KHDRBS2: variants seen among roughly 807,000 people sequenced by gnomAD.
KHDRBS2 encodes KH domain-containing, RNA-binding, signal transduction-associated protein 2.
A neutral mutation model predicts 44.3 loss-of-function variants in KHDRBS2; 26 were observed. The observed-to-expected ratio is 0.59, with a 90% confidence interval of 0.43 to 0.81. The LOEUF (loss-of-function observed/expected upper bound fraction) is 0.81, where lower values mean the gene tolerates loss of function less well. KHDRBS2 is among the 40% of genes least tolerant of loss of function. The pLI, the probability that KHDRBS2 is intolerant of heterozygous loss-of-function variation, is 0.00. For missense variants in KHDRBS2, 476 were observed against 433.1 expected, an observed-to-expected ratio of 1.10 and a Z score of -0.88; for synonymous variants, 194 against 151.1, an observed-to-expected ratio of 1.28 and a Z score of -2.08.
intron 4 of KHDRBS2, among the ~76,000 whole-genome samples, chr6:61,947,627 C>G (rs1813635656): frequency 1.3e-5 from 2 of 151,222 alleles, no homozygotes; most frequent in Admixed American, 1.3e-4. Context: ...TAGTGGATCA[C>G]AAAATAAACT....
At chr6:62,117,249 T>G (rs1584800907) in intron 2 of KHDRBS2, among the ~76,000 whole-genome samples, 1 of 152,158 alleles carries the variant, frequency 6.6e-6, no homozygotes, top group African/African-American at 2.4e-5. Flanking sequence ...TTTTTCTACA[T>G]CCTTGCCAGC....
chr6:62,285,163 T>C (rs769526799), intron 1 of KHDRBS2, among the ~76,000 whole-genome samples: 6 of 152,096 alleles, frequency 3.9e-5, no homozygotes, highest in Admixed American at 6.5e-5. Context: ...ACAAGACATA[T>C]GTGTTCCTCT....
At chr6:61,559,138 T>G in the KHDRBS2 span, among the ~76,000 whole-genome samples, 2 of 152,314 alleles carry the variant, frequency 1.3e-5, no homozygotes, top group East Asian at 1.9e-4. Flanking sequence ...TATATCCATT[T>G]GCTGAATTGA....
At chr6:61,602,761 G>A in the KHDRBS2 span, among the ~76,000 whole-genome samples, 1 of 152,074 alleles carries the variant, frequency 6.6e-6, no homozygotes, top group Non-Finnish European at 1.5e-5. Flanking sequence ...TTGATGGCCA[G>A]GCTTCTAAAC....
At chr6:62,068,197 T>C (rs1006362214) in intron 2 of KHDRBS2, among the ~76,000 whole-genome samples, 1 of 151,526 alleles carries the variant, frequency 6.6e-6, no homozygotes, top group African/African-American at 2.4e-5. Flanking sequence ...GGTCAACACT[T>C]GTAATTGTTT....
chr6:61,948,808 A>G (rs1764150606), intron 4 of KHDRBS2, among the ~76,000 whole-genome samples: 1 of 151,666 alleles, frequency 6.6e-6, no homozygotes, highest in Non-Finnish European at 1.5e-5. Context: ...CTCTTCACCT[A>G]GCTTATACCT....
chr6:61,753,882 C>A (rs1371296826), intron 6 of KHDRBS2, among the ~76,000 whole-genome samples: 1 of 152,000 alleles, frequency 6.6e-6, no homozygotes, highest in Non-Finnish European at 1.5e-5. Flanking sequence ...GCTTTAACTA[C>A]CATCAGAAGT....
At chr6:62,099,250 T>A (rs1169276073) in intron 2 of KHDRBS2, among the ~76,000 whole-genome samples, 2 of 152,218 alleles carry the variant, frequency 1.3e-5, no homozygotes, top group Admixed American at 6.5e-5. Context: ...TTTATTTCAC[T>A]CTTCAGAACA....
At chr6:61,874,113 A>C (rs1413560985) in intron 6 of KHDRBS2, among the ~76,000 whole-genome samples, 2 of 152,100 alleles carry the variant, frequency 1.3e-5, no homozygotes, top group Non-Finnish European at 2.9e-5. Context: ...ATTGTTTGAT[A>C]ATTGCCTTTG....
At chr6:61,590,041 G>A in the KHDRBS2 span, among the ~76,000 whole-genome samples, 131,129 of 152,118 alleles carry the variant, frequency 0.86, 57,080 homozygotes, top group African/African-American at 0.97. Context: ...GCATCTGCTG[G>A]TAAAAAAAAA....
intron 1 of KHDRBS2, among the ~76,000 whole-genome samples, chr6:62,233,159 T>TGAAGGAG (rs1302928069): frequency 2.6e-5 from 4 of 152,090 alleles, no homozygotes; most frequent in South Asian, 2.1e-4. Context: ...CAGAGCTGTG[T>TGAAGGAG]GAAGGAGGCT....
At chr6:61,928,061 G>T (rs1002645976) in intron 4 of KHDRBS2, among the ~76,000 whole-genome samples, 2 of 152,052 alleles carry the variant, frequency 1.3e-5, no homozygotes, top group African/African-American at 4.8e-5. Context: ...GCTGGGTTCT[G>T]CTTACTGCTT....
At chr6:61,952,513 G>A (rs560439564) in intron 4 of KHDRBS2, among the ~76,000 whole-genome samples, 1 of 151,936 alleles carries the variant, frequency 6.6e-6, no homozygotes, top group Non-Finnish European at 1.5e-5. Flanking sequence ...TTTTTATTAG[G>A]TTAGTGCAAA....
At chr6:61,991,230 C>T (rs995477519) in intron 3 of KHDRBS2, among the ~76,000 whole-genome samples, 9 of 152,038 alleles carry the variant, frequency 5.9e-5, no homozygotes, top group African/African-American at 2.2e-4. Context: ...TCTCAATAGC[C>T]TAAAATTAGT....
chr6:61,577,501 G>A, the KHDRBS2 span, among the ~76,000 whole-genome samples: 159 of 152,090 alleles, frequency 1.0e-3, no homozygotes, highest in African/African-American at 3.7e-3. Context: ...TCAGACTTTT[G>A]ATATGGAAAA....
At chr6:61,600,389 C>T in the KHDRBS2 span, among the ~76,000 whole-genome samples, 413 of 152,246 alleles carry the variant, frequency 2.7e-3, 2 homozygotes, top group African/African-American at 9.5e-3. Flanking sequence ...AATTCCTTCT[C>T]CTGGCTCATC....
At chr6:62,197,238 C>T (rs536639246) in intron 1 of KHDRBS2, among the ~76,000 whole-genome samples, 24 of 152,122 alleles carry the variant, frequency 1.6e-4, no homozygotes, top group South Asian at 4.1e-4. Flanking sequence ...CCCTAAAATT[C>T]CATCACAAGC....
chr6:62,091,519 C>G lies in KHDRBS2; in HGVS notation c.220-43525G>C, dbSNP rs147668789. Among the ~76,000 whole-genome samples the G allele has an allele frequency of 9.3e-4, 142 of 152,188 alleles. 1 individual carries two copies. Among genetic ancestry groups the G allele is most frequent in the African/African-American group, 3.2e-3 (133 of 41,538 alleles). On this transcript the variant is annotated intron_variant, in intron 2 of 8. Transcript: ENST00000281156. ...TGTAGTTGTTGACAAGTTTCATTTT[C>G]CTTTAATAAACTGTATTTTTCTACA... is the stretch of plus-strand genomic sequence containing the variant.
intron 6 of KHDRBS2, among the ~76,000 whole-genome samples, chr6:61,810,693 C>T (rs1047058044): frequency 6.6e-6 from 1 of 151,934 alleles, no homozygotes; most frequent in African/African-American, 2.4e-5. Flanking sequence ...AGCAAAAATA[C>T]TGACTTCAGG....
Sources: gnomAD v4.1 joint callset for allele counts (sites outside exome capture counted in the v4.1 genomes callset) on GRCh38, gnomAD v4.1.1 for gene constraint, MANE v1.5 for transcripts, NCBI Gene and HGNC (gene_info 2026-07-23, HGNC 2026-07-21) for gene names.